The following CNOT1 variants were observed in gnomAD, a reference collection of about 807,000 sequenced individuals.
CNOT1 encodes the protein CCR4-associated factor 1.
A neutral mutation model predicts 273.8 loss-of-function variants in CNOT1; 15 were observed. The ratio of observed to expected loss-of-function variants is 0.05; its 90% confidence interval spans 0.04 to 0.08. The LOEUF is 0.08. CNOT1 is among the 10% of genes least tolerant of loss of function. CNOT1 has a pLI of 1.00. For missense variants in CNOT1, 1,644 were observed against 2,912.2 expected, an observed-to-expected ratio of 0.56 and a Z score of 10.02; for synonymous variants, 1,022 against 1,005.5, an observed-to-expected ratio of 1.02 and a Z score of -0.31.
chr16:58,576,674 AT>A (rs2041467072), intron 13 of CNOT1, 92 bp from the exon 14 acceptor site: 21 of 1,551,326 alleles, frequency 1.4e-5, no homozygotes, highest in Non-Finnish European at 1.5e-5. Flanking sequence ...TAGAACTTGT[AT>A]AAAAATCAGG....
intron 38 of CNOT1, 68 bp from the exon 39 acceptor site, chr16:58,537,288 A>G (rs2039954726): frequency 6.6e-7 from 1 of 1,512,042 alleles, no homozygotes; most frequent in Admixed American, 2.3e-5. Flanking sequence ...ATACGCATGT[A>G]TAGTTTGCTT....
rs188221985 is a variant in CNOT1 at position 58,627,215 on chromosome 16, T to C, written c.-175+2513A>G. 2.0e-3 allele frequency among the ~76,000 whole-genome samples: 303 copies of C among 152,064 alleles called. 1 individual carries two copies. Among genetic ancestry groups the C allele is most frequent in the African/African-American group, 7.1e-3 (296 of 41,486 alleles). On this transcript the variant is annotated intron_variant, in intron 1 of 48. Transcript: ENST00000317147. ...TGAAGTTAAGAGTTCGAGACCATCC[T>C]GGCCAACATGGTGAAACCCTGTCTC...
chr16:58,612,418 T>C (rs1482357233), intron 1 of CNOT1, among the ~76,000 whole-genome samples: 1 of 152,150 alleles, frequency 6.6e-6, no homozygotes, highest in Non-Finnish European at 1.5e-5. Flanking sequence ...CTTGTCTTTT[T>C]TTCACTCTCT....
intron 1 of CNOT1, among the ~76,000 whole-genome samples, chr16:58,626,051 G>A (rs748459559): frequency 6.6e-6 from 1 of 152,074 alleles, no homozygotes; most frequent in African/African-American, 2.4e-5. Context: ...TGGTCAGAGG[G>A]TCATTAAAGA....
intron 1 of CNOT1, among the ~76,000 whole-genome samples, chr16:58,602,557 A>AAC (rs1367807038): frequency 7.2e-6 from 1 of 138,226 alleles, no homozygotes; most frequent in East Asian, 2.7e-4. Flanking sequence ...TGTCTCCAAA[A>AAC]AAAAAAAAAA....
At chr16:58,528,345 C>A in intron 44 of CNOT1, 130 bp downstream of exon 44, 1 of 718,922 alleles carries the variant, frequency 1.4e-6, no homozygotes, top group Non-Finnish European at 2.5e-6. Context: ...AACATTATTT[C>A]CTTTAAAGAG....
Position 58,588,782 on chromosome 16 carries a change from C to G in CNOT1, c.210+17G>C, listed in dbSNP as rs1196841341. The G allele has an allele frequency of 6.2e-7, 1 of 1,611,242 alleles. No individual in the cohort carries two copies. The highest frequency in any genetic ancestry group is 8.5e-7 in the Non-Finnish European group (1 of 1,178,682). ...AATTACAGCTAAGTGGACATGAACTCTGTAAGCCCCAAATACCTGATGGAA... is the reference window on the plus strand; with the variant it reads ...AATTACAGCTAAGTGGACATGAACTGTGTAAGCCCCAAATACCTGATGGAA... On this transcript the variant is annotated intron_variant, in intron 3 of 48. Coordinates refer to ENST00000317147, the MANE Select transcript of CNOT1 (RefSeq NM_016284.5).
At chr16:58,614,622 G>A (rs867319454) in intron 1 of CNOT1, among the ~76,000 whole-genome samples, 1 of 126,318 alleles carries the variant, frequency 7.9e-6, no homozygotes, top group South Asian at 2.3e-4. Flanking sequence ...TTGGGAGCAT[G>A]AGCCTAGTTT....
chr16:58,593,568 G>GGA (rs2042139537), intron 2 of CNOT1, among the ~76,000 whole-genome samples: 1 of 139,828 alleles, frequency 7.2e-6, no homozygotes, highest in Non-Finnish European at 1.5e-5. Context: ...CGTCTCAAGG[G>GGA]AAAAAAAAAA....
At chr16:58,585,170 A>AT (rs1466586637) in intron 8 of CNOT1, among the ~76,000 whole-genome samples, 168 bp downstream of exon 8, 5 of 152,192 alleles carry the variant, frequency 3.3e-5, no homozygotes, top group Non-Finnish European at 7.3e-5. Context: ...AACACCCAGG[A>AT]TGTTTACAGC....
Position 58,585,508 on chromosome 16 carries a change from TGA to T in CNOT1, c.638-4_638-3del, listed in dbSNP as rs746504227. The stretch of plus-strand genomic sequence containing the variant: ...CGGGACAGCGTTCTTGGGGAAAATC[TGA>T]GAGAGGAAAAAGGTTACAACTGCTA... On this transcript the variant is annotated splice_polypyrimidine_tract_variant and splice_region_variant and intron_variant, in intron 7 of 48. Coordinates refer to ENST00000317147, the MANE Select transcript of CNOT1 (RefSeq NM_016284.5). 2.2e-5 allele frequency: 36 copies of T among 1,609,990 alleles called. No individual in the cohort carries two copies. Among genetic ancestry groups the T allele is most frequent in the Non-Finnish European group, 2.9e-5 (34 of 1,179,244 alleles).
intron 39 of CNOT1, 103 bp from the exon 40 acceptor site, chr16:58,534,498 A>C: frequency 8.0e-7 from 1 of 1,253,968 alleles, no homozygotes; most frequent in Non-Finnish European, 1.1e-6. Context: ...ATTTGTTCCT[A>C]CTGTCATATT....
chr16:58,572,354 G>A (rs2041303208), intron 16 of CNOT1, among the ~76,000 whole-genome samples: 1 of 152,132 alleles, frequency 6.6e-6, no homozygotes, highest in Non-Finnish European at 1.5e-5. Flanking sequence ...AGATAGGCCA[G>A]GTGCAGTAGC....
intron 1 of CNOT1, among the ~76,000 whole-genome samples, chr16:58,602,577 A>AAAAC (rs1394244251): frequency 9.0e-5 from 13 of 144,772 alleles, no homozygotes; most frequent in East Asian, 2.1e-4. Flanking sequence ...AAAAAAAAAA[A>AAAAC]CCCATCCATA....
At chr16:58,521,933 AGAGT>A (rs2039393872) in intron 47 of CNOT1, among the ~76,000 whole-genome samples, 2 of 152,212 alleles carry the variant, frequency 1.3e-5, no homozygotes, top group Admixed American at 6.5e-5. Flanking sequence ...CCTGGGAGAC[AGAGT>A]GAGACCCTGT....
chr16:58,596,022 T>C (rs936111152), intron 2 of CNOT1, among the ~76,000 whole-genome samples: 4 of 152,132 alleles, frequency 2.6e-5, no homozygotes, highest in African/African-American at 9.7e-5. Flanking sequence ...CGCAAATGGG[T>C]TGTACAATTT....
At chr16:58,570,147 C>G (rs922731682) in intron 16 of CNOT1, among the ~76,000 whole-genome samples, 4 of 152,046 alleles carry the variant, frequency 2.6e-5, no homozygotes, top group African/African-American at 9.7e-5. Flanking sequence ...AAGCTATCCC[C>G]AAAGATACAG....
chr16:58,557,475 T>C (rs990987151), intron 18 of CNOT1, among the ~76,000 whole-genome samples: 8 of 152,206 alleles, frequency 5.3e-5, no homozygotes, highest in African/African-American at 1.7e-4. Flanking sequence ...TTTATTTAAA[T>C]GAATTAATCA....
rs1343761199 is a variant in CNOT1 at position 58,621,694 on chromosome 16, A to G, written c.-175+8034T>C. The stretch of plus-strand genomic sequence containing the variant: ...AGCACTTTGGGAGGCCGAGGCGGGC[A>G]GATCACGAGGTCAGGAGATCGAGAC... On this transcript the variant is annotated intron_variant, in intron 1 of 48. Coordinates refer to ENST00000317147, the MANE Select transcript of CNOT1 (RefSeq NM_016284.5). 1.6e-3 allele frequency among the ~76,000 whole-genome samples: 226 copies of G among 139,616 alleles called. No homozygotes were observed. The Middle Eastern group carries it at 0.018, about 11-fold the overall frequency. The allele number at this position is 139,616 out of a possible 152,430, so 91.6% of individuals were successfully genotyped here.
Sources: gnomAD v4.1 joint callset for allele counts (sites outside exome capture counted in the v4.1 genomes callset) on GRCh38, gnomAD v4.1.1 for gene constraint, MANE v1.5 for transcripts, NCBI Gene and HGNC (gene_info 2026-07-23, HGNC 2026-07-21) for gene names.